The following FIP1L1 variants were observed in gnomAD, a reference collection of about 807,000 sequenced individuals.
FIP1L1 encodes the protein factor interacting with PAPOLA and CPSF1.
In FIP1L1, 21 loss-of-function variants were observed where a neutral mutation model predicts 84.6. The observed-to-expected ratio is 0.25, with a 90% CI of 0.18 to 0.36. The LOEUF is 0.36. Ranked by LOEUF, FIP1L1 falls within the 10% of genes least tolerant of loss-of-function variation. The pLI is 1.00. For missense variants in FIP1L1, 526 were observed against 751.1 expected (o/e 0.70, Z 3.50); for synonymous variants, 263 against 242.3 (o/e 1.09, Z -0.80).
chr4:53,420,215 A>AAAAAAC (rs1761734365), intron 11 of FIP1L1, among the ~76,000 whole-genome samples: 2 of 147,666 alleles, frequency 1.4e-5, no homozygotes, highest in Non-Finnish European at 1.5e-5. Context: ...AAAAAAAAAA[A>AAAAAAC]AAAAAAAAAA....
In FIP1L1 at chr4:53,458,546, A is replaced by C. The variant is rs965301578; in HGVS notation, c.1500-107A>C. On this transcript the variant is annotated intron_variant, in intron 16 of 17. Transcript: ENST00000337488. ...CTCACTAATGTTATAAAAGATGCTA[A>C]TGTGAGGATTTTGGATTTGGACTGC... 6.7e-6 allele frequency: 7 copies of C among 1,048,298 alleles called. No homozygotes were observed. In the Admixed American group the frequency reaches 1.3e-4, roughly 19 times the overall value. The allele number at this position is 1,048,298 out of a possible 1,614,324, so 64.9% of individuals were successfully genotyped here. A position where few individuals can be genotyped will look rare whatever the true frequency, so the allele number is the denominator to read the frequency against.
At chr4:53,421,189 T>C (rs565042865) in intron 11 of FIP1L1, among the ~76,000 whole-genome samples, 1 of 152,348 alleles carries the variant, frequency 6.6e-6, no homozygotes, top group South Asian at 2.1e-4. Flanking sequence ...AAATGATAGA[T>C]GTAGTTACAA....
intron 12 of FIP1L1, 92 bp downstream of exon 12, chr4:53,426,057 G>A (rs1402227973): frequency 8.4e-6 from 7 of 828,472 alleles, no homozygotes. Flanking sequence ...ATAGTGCTAT[G>A]CTGTGTTTTA....
At chr4:53,381,753 CTTTT>C (rs531488760) in intron 3 of FIP1L1, among the ~76,000 whole-genome samples, 20 of 87,934 alleles carry the variant, frequency 2.3e-4, no homozygotes, top group East Asian at 4.2e-4. Context: ...CATTTGCATT[CTTTT>C]TTTTTTTTTT....
intron 13 of FIP1L1, among the ~76,000 whole-genome samples, chr4:53,441,317 A>T (rs1771831175): frequency 6.6e-6 from 1 of 151,986 alleles, no homozygotes. Flanking sequence ...CTAAATTCAA[A>T]ATGACTTCAA....
intron 10 of FIP1L1, among the ~76,000 whole-genome samples, chr4:53,405,833 G>A (rs1414404122): frequency 5.3e-5 from 8 of 151,680 alleles, no homozygotes; most frequent in South Asian, 2.1e-4. Context: ...GTATAAGAAT[G>A]CTTGTGATTT....
chr4:53,418,641 T>C (rs1760875317), intron 11 of FIP1L1, among the ~76,000 whole-genome samples: 1 of 152,228 alleles, frequency 6.6e-6, no homozygotes, highest in East Asian at 1.9e-4. Flanking sequence ...GTTTCCATTT[T>C]ATGTTACCAA....
rs754368971 is a variant in FIP1L1, at chr4:53,399,756, A to G, written c.732A>G (p.Ser244=). Reference sequence around the variant, plus strand: ...TACAGCAGGGAAGAACTGGAAACTCAGAGAAAGAAACTGCCCTTCCATCTA... The same window carrying G: ...TACAGCAGGGAAGAACTGGAAACTCGGAGAAAGAAACTGCCCTTCCATCTA... ...FKVQQGRTGN[S]EKETALPSTK... is the part of the protein sequence containing the mutation. Residue 244 remains serine, a synonymous_variant, in exon 10 of 18, where the codon TCA becomes TCG. Transcript: ENST00000337488. 4 of 1,613,340 alleles carry G rather than the reference A, an allele frequency of 2.5e-6. No homozygotes were observed. The highest frequency in any genetic ancestry group is 3.4e-6 in the Non-Finnish European group (4 of 1,179,608).
intron 5 of FIP1L1, among the ~76,000 whole-genome samples, 153 bp from the exon 6 acceptor site, chr4:53,389,656 C>A (rs1184240146): frequency 6.6e-6 from 1 of 151,840 alleles, no homozygotes; most frequent in South Asian, 2.1e-4. Context: ...CTCATCTATA[C>A]AAAATTTAAA....
At chr4:53,387,135 G>A (rs1741518853) in intron 5 of FIP1L1, among the ~76,000 whole-genome samples, 1 of 152,206 alleles carries the variant, frequency 6.6e-6, no homozygotes, top group African/African-American at 2.4e-5. Context: ...GTAGTAGAGA[G>A]ATGAATGGGA....
chr4:53,422,118 AC>A (rs1321085933), intron 11 of FIP1L1, among the ~76,000 whole-genome samples: 37 of 152,078 alleles, frequency 2.4e-4, no homozygotes, highest in African/African-American at 8.9e-4. Flanking sequence ...AATTTTGGAG[AC>A]TTTATTTCCA....
chr4:53,384,452 A>G (rs77188757), intron 5 of FIP1L1, among the ~76,000 whole-genome samples: 93 of 152,310 alleles, frequency 6.1e-4, no homozygotes, highest in African/African-American at 2.2e-3. Context: ...TTTGATTAGA[A>G]TTAGAAATCC....
At chr4:53,391,292 T>C (rs1744135175) in intron 8 of FIP1L1, 138 bp from the exon 9 acceptor site, 2 of 1,169,292 alleles carry the variant, frequency 1.7e-6, no homozygotes, top group Admixed American at 2.2e-5. Context: ...CTTCCCTCCC[T>C]TTTAGAGTTT....
At chr4:53,380,416 A>T (rs1435805399) in intron 3 of FIP1L1, among the ~76,000 whole-genome samples, 2 of 152,224 alleles carry the variant, frequency 1.3e-5, no homozygotes, top group Non-Finnish European at 2.9e-5. Context: ...TGGGTGAGTG[A>T]TTGCTAATGT....
At chr4:53,436,285 T>A (rs1769161859) in intron 13 of FIP1L1, among the ~76,000 whole-genome samples, 1 of 152,336 alleles carries the variant, frequency 6.6e-6, no homozygotes, top group South Asian at 2.1e-4. Flanking sequence ...TTAAGGTCTC[T>A]CTCAGACCTC....
intron 11 of FIP1L1, among the ~76,000 whole-genome samples, chr4:53,415,353 T>G (rs1759019468): frequency 6.6e-6 from 1 of 152,174 alleles, no homozygotes; most frequent in African/African-American, 2.4e-5. Context: ...ACTTCATCTT[T>G]AAGGGATGCA....
At chr4:53,412,012 C>T (rs1757459035) in intron 10 of FIP1L1, among the ~76,000 whole-genome samples, 1 of 151,884 alleles carries the variant, frequency 6.6e-6, no homozygotes, top group Non-Finnish European at 1.5e-5. Context: ...CATTATGCCT[C>T]CTTCATTTGT....
rs1232555706 is a variant in FIP1L1, at chr4:53,377,805, T to C, written c.-34T>C. 4 of 1,523,950 alleles carry C rather than the reference T, an allele frequency of 2.6e-6. No individual in the cohort carries two copies. The highest frequency in any genetic ancestry group is 2.5e-5 in the South Asian group (2 of 79,806). 94.4% of individuals were successfully genotyped at this position (1,523,950 alleles called of 1,614,324 possible). ...TGGGGAAGGGGTTGGAGGGGGCTGTTGATCGCCGCGTTTAAGTTGCGCTCG... is the reference window on the plus strand; with the variant it reads ...TGGGGAAGGGGTTGGAGGGGGCTGTCGATCGCCGCGTTTAAGTTGCGCTCG... On this transcript the variant is annotated 5_prime_UTR_variant, in exon 1 of 18. Transcript: ENST00000337488.
chr4:53,418,506 A>G (rs1324047548), intron 11 of FIP1L1, among the ~76,000 whole-genome samples: 1 of 152,188 alleles, frequency 6.6e-6, no homozygotes, highest in Admixed American at 6.5e-5. Flanking sequence ...TATAAAATCA[A>G]ATTTTTAACT....
Sources: gnomAD v4.1 joint callset for allele counts (sites outside exome capture counted in the v4.1 genomes callset) on GRCh38, gnomAD v4.1.1 for gene constraint, MANE v1.5 for transcripts, NCBI Gene and HGNC (gene_info 2026-07-23, HGNC 2026-07-21) for gene names.